Variants in WRN observed in about 807,000 individuals in gnomAD.
WRN encodes the protein bifunctional 3'-5' exonuclease/ATP-dependent helicase WRN.
A neutral mutation model predicts 180.7 loss-of-function variants in WRN; 149 were observed. That is an observed-to-expected ratio of 0.82 (90% CI 0.72 to 0.94). The LOEUF is 0.94. WRN is among the 40% of genes least tolerant of loss of function. WRN has a pLI of 0.00. For synonymous variants in WRN, 548 were observed against 568.9 expected, an observed-to-expected ratio of 0.96 and a Z score of 0.52; for missense variants, 1,661 against 1,700.1, an observed-to-expected ratio of 0.98 and a Z score of 0.40.
chr8:31,056,972 T>TC (rs1812298696), intron 1 of WRN, among the ~76,000 whole-genome samples: 1 of 151,994 alleles, frequency 6.6e-6, no homozygotes. Context: ...GCAGTCTCTC[T>TC]CCCCCAGTGG....
chr8:31,102,773 C>T (rs1427875375), intron 18 of WRN, among the ~76,000 whole-genome samples: 1 of 152,142 alleles, frequency 6.6e-6, no homozygotes, highest in African/African-American at 2.4e-5. Flanking sequence ...AGACTTTATA[C>T]ATATTGTACA....
intron 22 of WRN, 69 bp downstream of exon 22, chr8:31,124,692 G>T (rs1801852507): frequency 6.9e-7 from 1 of 1,446,492 alleles, no homozygotes. Context: ...CAACAATTTG[G>T]CTAAATAATT....
intron 7 of WRN, among the ~76,000 whole-genome samples, chr8:31,074,835 A>T (rs1813039780): frequency 6.6e-6 from 1 of 152,064 alleles, no homozygotes; most frequent in Admixed American, 6.6e-5. Flanking sequence ...GGGAGTAGGG[A>T]TGTTGATAGG....
At chr8:31,061,188 T>G (rs1403638298) in intron 3 of WRN, among the ~76,000 whole-genome samples, 1 of 152,174 alleles carries the variant, frequency 6.6e-6, no homozygotes, top group Non-Finnish European at 1.5e-5. Context: ...TGCTTCATTT[T>G]GAATAGCTTG....
At chr8:31,084,605 T>A (rs922395545) in intron 10 of WRN, among the ~76,000 whole-genome samples, 5 of 152,160 alleles carry the variant, frequency 3.3e-5, no homozygotes. Context: ...TTCCTGGAGA[T>A]TGCCAAATTA....
At chr8:31,118,913 T>G (rs1801616733) in intron 20 of WRN, among the ~76,000 whole-genome samples, 1 of 151,952 alleles carries the variant, frequency 6.6e-6, no homozygotes, top group Non-Finnish European at 1.5e-5. Context: ...TGATAAAATG[T>G]CTTTACACCT....
At chr8:31,047,333 G>C (rs888777103) in intron 1 of WRN, among the ~76,000 whole-genome samples, 1 of 151,998 alleles carries the variant, frequency 6.6e-6, no homozygotes, top group South Asian at 2.1e-4. Context: ...TGTAGAGATA[G>C]TATTCGCCAT....
chr8:31,050,178 C>T (rs905355374), intron 1 of WRN, among the ~76,000 whole-genome samples: 2 of 151,880 alleles, frequency 1.3e-5, no homozygotes, highest in African/African-American at 2.4e-5. Context: ...AACATTGGTT[C>T]AGAGAGATGC....
intron 1 of WRN, among the ~76,000 whole-genome samples, chr8:31,049,201 ACT>A (rs1319700390): frequency 4.0e-5 from 4 of 99,860 alleles, no homozygotes; most frequent in Non-Finnish European, 5.6e-5. Flanking sequence ...ACAGTGCGAG[ACT>A]CTGTCTCAAA....
chr8:31,147,365 T>C lies in WRN; in HGVS notation c.3461T>C (p.Ile1154Thr), dbSNP rs1463812768. ...VISAQEQETQIVLYGKLVEAR... is the reference protein window; with the variant it reads ...VISAQEQETQTVLYGKLVEAR... ...GTTGTTTCTTTGTTTTTTGTTCAGATTGTGTTATATGGCAAATTGGTAGAA... is the reference window on the plus strand; with the variant it reads ...GTTGTTTCTTTGTTTTTTGTTCAGACTGTGTTATATGGCAAATTGGTAGAA... The change falls in exon 30 of 35, where the codon ATT becomes ACT. Residue 1154 changes from isoleucine to threonine, a missense_variant and splice_region_variant. Ile to Thr is a moderately conservative substitution (Grantham distance 89). Transcript: ENST00000298139. 5.6e-6 allele frequency: 9 copies of C among 1,613,840 alleles called. No individual in the cohort carries two copies. The highest frequency in any genetic ancestry group is 7.6e-6 in the Non-Finnish European group (9 of 1,179,792).
intron 15 of WRN, 61 bp from the exon 16 acceptor site, chr8:31,091,769 G>A: frequency 1.5e-6 from 2 of 1,355,480 alleles, no homozygotes; most frequent in Middle Eastern, 1.8e-4. Flanking sequence ...TCTCACTTAA[G>A]AGTGAAATTG....
At chr8:31,098,040 A>G (rs989662224) in intron 17 of WRN, among the ~76,000 whole-genome samples, 4 of 152,240 alleles carry the variant, frequency 2.6e-5, no homozygotes, top group African/African-American at 9.6e-5. Context: ...CAATGTAATG[A>G]AAACAAACTT....
At chr8:31,120,782 T>C (rs1018649644) in intron 21 of WRN, among the ~76,000 whole-genome samples, 2 of 152,028 alleles carry the variant, frequency 1.3e-5, no homozygotes, top group Non-Finnish European at 2.9e-5. Context: ...CAAGTTGCGA[T>C]GTCTTCAGCC....
At chr8:31,167,895 C>G (rs1396303463) in intron 34 of WRN, among the ~76,000 whole-genome samples, 1 of 151,928 alleles carries the variant, frequency 6.6e-6, no homozygotes, top group Non-Finnish European at 1.5e-5. Context: ...TCTTCCGGGT[C>G]TAAAATTATA....
intron 33 of WRN, among the ~76,000 whole-genome samples, chr8:31,165,289 A>G (rs1008302090): frequency 2.6e-5 from 4 of 152,156 alleles, no homozygotes; most frequent in African/African-American, 9.6e-5. Context: ...TAGTTTATTT[A>G]TCTAATTTCT....
In WRN at chr8:31,158,133, G is replaced by C. The variant is rs1384252455; in HGVS notation, c.3982+603G>C. 2.6e-5 allele frequency among the ~76,000 whole-genome samples: 4 copies of C among 152,088 alleles called. No individual in the cohort carries two copies. In the East Asian group the frequency reaches 7.7e-4, roughly 29 times the overall value. On this transcript the variant is annotated intron_variant, in intron 33 of 34. Transcript: ENST00000298139. Reference sequence around the variant, plus strand: ...TTTTCTAATTTCTATCTCATCACTTGCAAAAACCATATTTTTCTCCACATT... The same window carrying C: ...TTTTCTAATTTCTATCTCATCACTTCCAAAAACCATATTTTTCTCCACATT...
intron 33 of WRN, among the ~76,000 whole-genome samples, chr8:31,164,882 G>A (rs1409652017): frequency 6.6e-6 from 1 of 152,126 alleles, no homozygotes; most frequent in African/African-American, 2.4e-5. Context: ...TTAGAGCAGA[G>A]TAAGATGCAC....
In WRN at chr8:31,150,354, G is replaced by GAAAACGT; in HGVS notation, c.3591_3597dup (p.Ile1201LysfsTer4). Reference sequence around the variant, plus strand: ...TGTTAAACACAGACCAACTACGGTTGAAAACGTAAAAAGGATTGATGGTGT... The same window carrying GAAAACGT: ...TGTTAAACACAGACCAACTACGGTTGAAAACGTAAAACGTAAAAAGGATTGATGGTGT... On this transcript the variant is annotated frameshift_variant, in exon 31 of 35. Transcript: ENST00000298139. LOFTEE classifies it high-confidence loss of function. 6.2e-7 allele frequency: 1 copy of GAAAACGT among 1,614,088 alleles called. No individual in the cohort carries two copies. The highest frequency in any genetic ancestry group is 8.5e-7 in the Non-Finnish European group (1 of 1,179,982).
In WRN at chr8:31,100,972, C is replaced by T. The variant is rs554348260; in HGVS notation, c.2088+17C>T. 2.5e-6 allele frequency: 4 copies of T among 1,599,248 alleles called. No individual in the cohort carries two copies. The highest frequency in any genetic ancestry group is 1.7e-5 in the Admixed American group (1 of 59,916). On this transcript the variant is annotated intron_variant, in intron 18 of 34. Transcript: ENST00000298139. ...CTGCCAATGGTAAGCTTTGCCAAGT[C>T]TGATGTCCCGAAATTACATTCTTAA...
Sources: allele counts gnomAD v4.1 joint callset (sites outside exome capture counted in the v4.1 genomes callset), GRCh38; gene constraint gnomAD v4.1.1; transcripts MANE v1.5; gene names NCBI Gene and HGNC (gene_info 2026-07-23, HGNC 2026-07-21).